The following KLHL7 variants were observed in gnomAD, a reference collection of about 807,000 sequenced individuals.
KLHL7 encodes the protein kelch like family member 7, also known as kelch-like protein 7.
KLHL7 carries 44 observed loss-of-function variants against 67.4 expected under a neutral mutation model. The observed-to-expected ratio is 0.65, with a 90% CI of 0.51 to 0.84. The LOEUF (loss-of-function observed/expected upper bound fraction) is 0.84, where lower values mean the gene tolerates loss of function less well. KLHL7 is among the 40% of genes least tolerant of loss of function. The probability of loss-of-function intolerance (pLI) is 0.00; values close to 1 mark genes in which losing one functional copy is unlikely to be tolerated. For missense variants in KLHL7, 362 were observed against 718.1 expected (o/e 0.50, Z 5.67); for synonymous variants, 252 against 243.3 (o/e 1.04, Z -0.33).
At chr7:23,147,935 A>G (rs969945401) in intron 6 of KLHL7, among the ~76,000 whole-genome samples, 1 of 152,188 alleles carries the variant, frequency 6.6e-6, no homozygotes, top group African/African-American at 2.4e-5. Flanking sequence ...TTCTTAGCCC[A>G]TCCTTTCACT....
In KLHL7 at chr7:23,174,948, A is replaced by G. The variant is rs1321061073; in HGVS notation, c.*650A>G. 2.2e-6 allele frequency: 1 copy of G among 453,658 alleles called. No individual in the cohort carries two copies. Among genetic ancestry groups the G allele is most frequent in the Admixed American group, 2.4e-5 (1 of 42,402 alleles). The allele number at this position is 453,658 out of a possible 1,614,324, so 28.1% of individuals were successfully genotyped here. ...TAAATATATTCCATCTTTTTAACAT[A>G]AAATGTAAAGCTTAGCACCCATCAT... On this transcript the variant is annotated 3_prime_UTR_variant, in exon 11 of 11. Transcript: ENST00000339077.
chr7:23,139,493 A>G (rs994418480), intron 4 of KLHL7, among the ~76,000 whole-genome samples: 1 of 152,246 alleles, frequency 6.6e-6, no homozygotes, highest in African/African-American at 2.4e-5. Flanking sequence ...TGAAACTATT[A>G]GAAGTGTACA....
chr7:23,144,662 G>A (rs370367780), intron 6 of KLHL7, among the ~76,000 whole-genome samples: 3 of 152,020 alleles, frequency 2.0e-5, no homozygotes, highest in African/African-American at 4.8e-5. Flanking sequence ...CTGTTAGATC[G>A]GTTGTCTTCT....
rs1230711606 is a variant in KLHL7 at position 23,174,690 on chromosome 7, G to T, written c.*392G>T. On this transcript the variant is annotated 3_prime_UTR_variant, in exon 11 of 11. Transcript: ENST00000339077. ...GTGCTATACGGTTAGGTCTGTTTGT[G>T]CTCAGTCAAGAACTAAGAAATAGTA... 1 of 457,502 alleles carries T rather than the reference G, an allele frequency of 2.2e-6. No homozygotes were observed. The allele number at this position is 457,502 out of a possible 1,614,324, so 28.3% of individuals were successfully genotyped here. A position where few individuals can be genotyped will look rare whatever the true frequency, so the allele number is the denominator to read the frequency against.
intron 4 of KLHL7, chr7:23,129,118 T>C (rs542371903): frequency 6.4e-6 from 1 of 155,562 alleles, no homozygotes; most frequent in African/African-American, 2.4e-5. Flanking sequence ...ATCAGGTGAG[T>C]GCACAGGTCA....
At position 23,176,521 on chromosome 7, in the gene KLHL7, A is replaced by T. The variant is rs1189842383; in HGVS notation, c.*2223A>T. 2 of 152,136 alleles carry T rather than the reference A, an allele frequency of 1.3e-5. No individual in the cohort carries two copies. The highest frequency in any genetic ancestry group is 2.4e-5 in the African/African-American group (1 of 41,398). The allele number at this position is 152,136 out of a possible 1,614,324, so 9.4% of individuals were successfully genotyped here. ...CAAGACCCTGTCTCTACAAAAAAATAAAAAGTTAGCAGGTGTGGTATATAC... is the reference window on the plus strand; with the variant it reads ...CAAGACCCTGTCTCTACAAAAAAATTAAAAGTTAGCAGGTGTGGTATATAC... On this transcript the variant is annotated 3_prime_UTR_variant, in exon 11 of 11. Transcript: ENST00000339077.
intron 4 of KLHL7, among the ~76,000 whole-genome samples, chr7:23,131,482 A>G (rs1451466803): frequency 1.3e-5 from 2 of 152,114 alleles, no homozygotes; most frequent in Non-Finnish European, 2.9e-5. Flanking sequence ...CTTAATGCCT[A>G]TTTATTTTTG....
chr7:23,139,929 C>CA (rs1410445616), intron 4 of KLHL7, among the ~76,000 whole-genome samples: 2 of 146,382 alleles, frequency 1.4e-5, no homozygotes, highest in East Asian at 2.0e-4. Flanking sequence ...CTTAACCTTT[C>CA]AAAAAAAATG....
chr7:23,129,182 C>T (rs4599714), intron 4 of KLHL7: 78,315 of 187,286 alleles, frequency 0.42, 18,015 homozygotes, highest in African/African-American at 0.64. Flanking sequence ...GTTGCAGGGG[C>T]ATCTCCGCAG....
intron 6 of KLHL7, among the ~76,000 whole-genome samples, chr7:23,146,615 TC>T (rs1784362623): frequency 1.3e-5 from 2 of 152,124 alleles, no homozygotes; most frequent in Non-Finnish European, 2.9e-5. Context: ...AGCTAAATTT[TC>T]CTCTTGTGCA....
In KLHL7 at chr7:23,176,487, C is replaced by G. The variant is rs1043110525; in HGVS notation, c.*2189C>G. 6.6e-6 allele frequency: 1 copy of G among 152,120 alleles called. No homozygotes were observed. Among genetic ancestry groups the G allele is most frequent in the Non-Finnish European group, 1.5e-5 (1 of 68,114 alleles). The allele number at this position is 152,120 out of a possible 1,614,324, so 9.4% of individuals were successfully genotyped here. The stretch of plus-strand genomic sequence containing the variant: ...GTGGAGGCAGTAGGATCACTTGAGG[C>G]TAGGAGTTCAAGACCCTGTCTCTAC... On this transcript the variant is annotated 3_prime_UTR_variant, in exon 11 of 11. Coordinates refer to ENST00000339077, the MANE Select transcript of KLHL7 (RefSeq NM_001031710.3).
intron 7 of KLHL7, among the ~76,000 whole-genome samples, chr7:23,164,834 C>T (rs1469960613): frequency 1.3e-5 from 2 of 152,190 alleles, no homozygotes; most frequent in African/African-American, 4.8e-5. Context: ...ACACATAGTG[C>T]TTTCCTTGGT....
chr7:23,156,157 AT>A (rs567834962), intron 7 of KLHL7: 1 of 270,866 alleles, frequency 3.7e-6, no homozygotes, highest in Non-Finnish European at 7.5e-6. Flanking sequence ...CAATAAAAAC[AT>A]TTTCATTCCA....
At chr7:23,173,104 A>G (rs1785212056) in intron 10 of KLHL7, 59 bp downstream of exon 10, 2 of 1,135,814 alleles carry the variant, frequency 1.8e-6, no homozygotes, top group Non-Finnish European at 2.7e-6. Flanking sequence ...ACTTCCTTAA[A>G]TTATTGAAGC....
chr7:23,121,226 C>G (rs568371902), intron 1 of KLHL7, among the ~76,000 whole-genome samples: 3 of 152,244 alleles, frequency 2.0e-5, no homozygotes, highest in African/African-American at 7.2e-5. Flanking sequence ...TTTTCTTTAT[C>G]AATTCGTCTA....
chr7:23,133,412 CTTATTTTATTTTAT>C (rs571359706), intron 4 of KLHL7, among the ~76,000 whole-genome samples: 87 of 151,638 alleles, frequency 5.7e-4, no homozygotes, highest in Non-Finnish European at 1.2e-3. Flanking sequence ...AATGGGGCTA[CTTATTTTATTTTAT>C]TTATTTTATT....
chr7:23,139,902 CTCT>C lies in KLHL7; in HGVS notation c.443-865_443-863del, dbSNP rs1784117855. The stretch of plus-strand genomic sequence containing the variant: ...GTCTTCACTTCTCCCTTTTCTCCTC[CTCT>C]TTTTTTTTTTTTCCTTAACCTTTCA... On this transcript the variant is annotated intron_variant, in intron 4 of 10. Coordinates refer to ENST00000339077, the MANE Select transcript of KLHL7 (RefSeq NM_001031710.3). 2.0e-5 allele frequency among the ~76,000 whole-genome samples: 3 copies of C among 151,154 alleles called. No homozygotes were observed. In the South Asian group the frequency reaches 6.3e-4, roughly 32 times the overall value.
At chr7:23,111,377 C>G (rs1782863529) in intron 1 of KLHL7, among the ~76,000 whole-genome samples, 1 of 152,186 alleles carries the variant, frequency 6.6e-6, no homozygotes, top group African/African-American at 2.4e-5. Context: ...GACGATGGTT[C>G]TAGATGAAAC....
At chr7:23,124,166 G>A (rs1348794279) in intron 2 of KLHL7, among the ~76,000 whole-genome samples, 1 of 123,256 alleles carries the variant, frequency 8.1e-6, no homozygotes, top group African/African-American at 3.4e-5. Flanking sequence ...ACTCCATCCT[G>A]GGCGTCAGAG....
Sources: gnomAD v4.1 joint callset for allele counts (sites outside exome capture counted in the v4.1 genomes callset) on GRCh38, gnomAD v4.1.1 for gene constraint, MANE v1.5 for transcripts, NCBI Gene and HGNC (gene_info 2026-07-23, HGNC 2026-07-21) for gene names.